Variants in PCDH15 observed in about 807,000 individuals in gnomAD.
The protein encoded by PCDH15 is protocadherin-15.
PCDH15 carries 129 observed loss-of-function variants against 178.5 expected under a neutral mutation model. The observed-to-expected ratio is 0.72, with a 90% CI of 0.63 to 0.84. The LOEUF is 0.84. Among genes scored for constraint, PCDH15 ranks in the 40% least tolerant of loss-of-function variants. The probability of loss-of-function intolerance (pLI) is 0.00; values close to 1 mark genes in which losing one functional copy is unlikely to be tolerated. For missense variants in PCDH15, 2,230 were observed against 2,099.9 expected, an observed-to-expected ratio of 1.06 and a Z score of -1.21; for synonymous variants, 800 against 732.0, an observed-to-expected ratio of 1.09 and a Z score of -1.50.
In PCDH15 at chr10:54,089,548, GTATTT is replaced by G. The variant is rs2094566405; in HGVS notation, c.1997+431_1997+435del. ...CCTCAAAGAAGTTTGGCATGAACAC[GTATTT>G]TATTTCATTGTGCTTTTTTTCTTAA... On this transcript the variant is annotated intron_variant, in intron 16 of 37. Coordinates refer to ENST00000644397, the MANE Select transcript of PCDH15 (RefSeq NM_001384140.1). Among the ~76,000 whole-genome samples, 3 of 152,210 alleles carry G rather than the reference GTATTT, an allele frequency of 2.0e-5. No individual in the cohort carries two copies. The South Asian group carries it at 6.2e-4, about 32-fold the overall frequency.
At chr10:54,647,332 G>C (rs534641489) in intron 2 of PCDH15, among the ~76,000 whole-genome samples, 15 of 152,112 alleles carry the variant, frequency 9.9e-5, no homozygotes, top group Admixed American at 2.0e-4. Flanking sequence ...CTGGTGCCAG[G>C]GGAAAGAATA....
chr10:54,092,064 T>C (rs1369099894), intron 15 of PCDH15, among the ~76,000 whole-genome samples: 1 of 152,214 alleles, frequency 6.6e-6, no homozygotes, highest in East Asian at 1.9e-4. Context: ...TTGACGTACC[T>C]CAAAAAATAA....
At chr10:55,196,493 C>T (rs1840096724) in intron 1 of PCDH15, among the ~76,000 whole-genome samples, 1 of 151,866 alleles carries the variant, frequency 6.6e-6, no homozygotes, top group Non-Finnish European at 1.5e-5. Context: ...AGTTCATGGC[C>T]TAATGAATTC....
intron 2 of PCDH15, among the ~76,000 whole-genome samples, chr10:55,566,517 T>C (rs920707200): frequency 1.1e-4 from 16 of 151,448 alleles, no homozygotes; most frequent in Admixed American, 5.9e-4. Context: ...AAGGAAGAAG[T>C]CAAATTATCT....
chr10:54,617,746 C>G (rs116500357), intron 2 of PCDH15, among the ~76,000 whole-genome samples: 4,941 of 107,788 alleles, frequency 0.046, 270 homozygotes, highest in African/African-American at 0.16. Context: ...AACCCCAACT[C>G]TAAAAATACA....
At chr10:54,273,159 CA>C (rs753346232) in intron 8 of PCDH15, among the ~76,000 whole-genome samples, 2 of 151,866 alleles carry the variant, frequency 1.3e-5, no homozygotes, top group Non-Finnish European at 2.9e-5. Context: ...TGAACTTAAA[CA>C]GAAGCTTGCA....
intron 3 of PCDH15, among the ~76,000 whole-genome samples, chr10:54,860,025 T>C (rs1953811724): frequency 6.6e-6 from 1 of 152,086 alleles, no homozygotes; most frequent in South Asian, 2.1e-4. Context: ...TGGTCAGTGC[T>C]AAGCAAAAAT....
chr10:54,175,284 CAAGA>C (rs944366916), intron 13 of PCDH15, among the ~76,000 whole-genome samples: 1 of 152,012 alleles, frequency 6.6e-6, no homozygotes, highest in Non-Finnish European at 1.5e-5. Flanking sequence ...AATAAATTGT[CAAGA>C]GACATTAAAA....
chr10:55,139,200 T>C (rs936553409), intron 2 of PCDH15, among the ~76,000 whole-genome samples: 1 of 152,090 alleles, frequency 6.6e-6, no homozygotes, highest in Non-Finnish European at 1.5e-5. Context: ...GAGGTCTTTA[T>C]ATATTTTAGA....
chr10:53,878,441 C>CAT (rs1319653027), intron 26 of PCDH15, among the ~76,000 whole-genome samples: 1 of 136,402 alleles, frequency 7.3e-6, no homozygotes, highest in African/African-American at 2.7e-5. Context: ...TATATATCTC[C>CAT]ATATATATAA....
intron 32 of PCDH15, chr10:53,825,221 T>TTTTTCA: frequency 6.9e-7 from 1 of 1,440,666 alleles, no homozygotes; most frequent in South Asian, 1.5e-5. Context: ...AAAACAATTC[T>TTTTTCA]GAAAATATGA....
At chr10:54,236,118 A>G (rs7914654) in intron 9 of PCDH15, among the ~76,000 whole-genome samples, 113,806 of 152,088 alleles carry the variant, frequency 0.75, 43,819 homozygotes, top group African/African-American at 0.84. Flanking sequence ...CTTCAAAAGA[A>G]GCCCTTTCTC....
intron 29 of PCDH15, among the ~76,000 whole-genome samples, chr10:53,839,202 C>CAA (rs758823713): frequency 0.49 from 36,279 of 74,398 alleles, 9,187 homozygotes; most frequent in East Asian, 0.85. Flanking sequence ...GTCTCCGTCT[C>CAA]AAAAAAAAAA....
At chr10:53,922,075 T>C (rs1337283475) in intron 25 of PCDH15, among the ~76,000 whole-genome samples, 1 of 152,170 alleles carries the variant, frequency 6.6e-6, no homozygotes, top group East Asian at 1.9e-4. Flanking sequence ...TTTATGTATA[T>C]ACATTATCCG....
At chr10:55,010,802 A>T (rs1840029910) in intron 2 of PCDH15, among the ~76,000 whole-genome samples, 1 of 48,146 alleles carries the variant, frequency 2.1e-5, no homozygotes, top group South Asian at 8.7e-4. Context: ...CAACTTATAA[A>T]AAAAAAAGGT....
chr10:55,571,803 C>T (rs1842411278), intron 2 of PCDH15, among the ~76,000 whole-genome samples: 1 of 151,950 alleles, frequency 6.6e-6, no homozygotes, highest in African/African-American at 2.4e-5. Context: ...AAAGATATTC[C>T]AGTTTATACA....
At chr10:53,964,419 T>TTATTTATTCATAAAATTTTTATAAATTG (rs2088746187) in intron 21 of PCDH15, among the ~76,000 whole-genome samples, 8 of 132,552 alleles carry the variant, frequency 6.0e-5, no homozygotes, top group Admixed American at 5.8e-4. Context: ...TTTATAAATT[T>TTATTTATTCATAAAATTTTTATAAATTG]TATTTATTCA....
chr10:54,723,517 T>A lies in PCDH15; in HGVS notation c.-28-59227A>T, dbSNP rs566952401. ...TAATTTATAATGATGACCCTGAAAG[T>A]AAATGCAACAAAAACAAAATAGACA... On this transcript the variant is annotated intron_variant, in intron 1 of 37. Transcript: ENST00000644397. 8.6e-5 allele frequency among the ~76,000 whole-genome samples: 13 copies of A among 151,638 alleles called. No individual in the cohort carries two copies. In the South Asian group the frequency reaches 2.1e-3, roughly 24 times the overall value.
chr10:55,181,918 C>A (rs1454809327), intron 1 of PCDH15, among the ~76,000 whole-genome samples: 2 of 151,862 alleles, frequency 1.3e-5, no homozygotes, highest in African/African-American at 4.8e-5. Flanking sequence ...TGTTATCGAC[C>A]TATCCCCAAC....
Sources: allele counts gnomAD v4.1 joint callset (sites outside exome capture counted in the v4.1 genomes callset), GRCh38; gene constraint gnomAD v4.1.1; transcripts MANE v1.5; gene names NCBI Gene and HGNC (gene_info 2026-07-23, HGNC 2026-07-21).